ADIG: variants seen among roughly 807,000 people sequenced by gnomAD.
The protein encoded by ADIG is adipogenin.
ADIG carries 12 observed loss-of-function variants against 10.7 expected under a neutral mutation model. The ratio of observed to expected loss-of-function variants is 1.12; its 90% CI spans 0.72 to 1.82. ADIG has a LOEUF of 1.82. Ranked by LOEUF, ADIG falls within the 40% of genes most tolerant of loss-of-function variation. The pLI, the probability that ADIG is intolerant of heterozygous loss-of-function variation, is 0.00. For missense variants in ADIG, 72 were observed against 92.5 expected (o/e 0.78, Z 0.91); for synonymous variants, 32 against 35.6 (o/e 0.90, Z 0.36).
intron 1 of ADIG, among the ~76,000 whole-genome samples, 164 bp downstream of exon 1, chr20:38,581,538 G>T (rs2088591722): frequency 6.6e-6 from 1 of 152,092 alleles, no homozygotes; most frequent in Non-Finnish European, 1.5e-5. Flanking sequence ...GGATTGGTTT[G>T]GTTGTTTAGG....
chr20:38,585,041 C>A (rs1214403762), intron 1 of ADIG, among the ~76,000 whole-genome samples: 1 of 152,238 alleles, frequency 6.6e-6, no homozygotes, highest in African/African-American at 2.4e-5. Flanking sequence ...TCCCAAAGTG[C>A]TGGGATTACA....
intron 1 of ADIG, among the ~76,000 whole-genome samples, chr20:38,582,053 G>A (rs1429498734): frequency 6.6e-6 from 1 of 152,140 alleles, no homozygotes; most frequent in East Asian, 1.9e-4. Context: ...TGGCCTGGCT[G>A]TGTGGCAGGA....
intron 1 of ADIG, chr20:38,585,373 A>G: frequency 2.6e-6 from 4 of 1,538,048 alleles, no homozygotes; most frequent in Non-Finnish European, 3.5e-6. Context: ...ATGGTGCAGC[A>G]TTTGCTTTTC....
chr20:38,581,447 C>T (rs755582569), intron 1 of ADIG, 73 bp downstream of exon 1: 5 of 1,590,972 alleles, frequency 3.1e-6, no homozygotes, highest in Non-Finnish European at 4.3e-6. Context: ...GCCAGTGTGT[C>T]CTGAAACAAC....
chr20:38,581,812 G>T (rs1306979335), intron 1 of ADIG, among the ~76,000 whole-genome samples: 2 of 152,230 alleles, frequency 1.3e-5, no homozygotes, highest in Non-Finnish European at 2.9e-5. Flanking sequence ...CTGCTTTTGT[G>T]CAGTAAACAG....
chr20:38,581,219 C>A lies in ADIG; in HGVS notation c.-32C>A. The A allele has an allele frequency of 6.3e-7, 1 of 1,584,816 alleles. No homozygotes were observed. The highest frequency in any genetic ancestry group is 8.6e-7 in the Non-Finnish European group (1 of 1,164,628). The stretch of plus-strand genomic sequence containing the variant: ...CATGGGGCAGCCCTGCCAGCCCAGC[C>A]CAGGCTGGCCCAGCTTAGCCACACA... On this transcript the variant is annotated 5_prime_UTR_variant, in exon 1 of 3. Transcript: ENST00000537425.
chr20:38,581,523 G>T (rs1651744917), intron 1 of ADIG, 149 bp downstream of exon 1: 3 of 1,233,634 alleles, frequency 2.4e-6, no homozygotes, highest in Admixed American at 2.3e-5. Context: ...ACTCTTAAGT[G>T]GAAAGGATTG....
intron 1 of ADIG, among the ~76,000 whole-genome samples, chr20:38,581,693 G>GATA (rs1256050748): frequency 2.0e-5 from 3 of 152,152 alleles, no homozygotes; most frequent in African/African-American, 7.2e-5. Flanking sequence ...ACAAATCAGA[G>GATA]GTTATCGCTC....
chr20:38,582,733 A>G lies in ADIG; in HGVS notation c.124+1359A>G, dbSNP rs138785663. On this transcript the variant is annotated intron_variant, in intron 1 of 2. Transcript: ENST00000537425. ...TTAGGCATTGGGCCCCACAGCTGGT[A>G]GGGAGTCAGCCTTGTTTGCATACTG... 2.6e-3 allele frequency among the ~76,000 whole-genome samples: 403 copies of G among 152,310 alleles called. 1 individual carries two copies. The highest frequency in any genetic ancestry group is 9.2e-3 in the African/African-American group (384 of 41,568).
At position 38,586,158 on chromosome 20, in the gene ADIG, C is replaced by T; in HGVS notation, c.*11C>T. 1.3e-6 allele frequency: 2 copies of T among 1,574,860 alleles called. No homozygotes were observed. Among genetic ancestry groups the T allele is most frequent in the Non-Finnish European group, 1.7e-6 (2 of 1,160,076 alleles). ...AGGCCCTGCTGGTGAGCCTGCTGTG[C>T]CAGGTGAGGCCCTTCCAGGGGCCAG... On this transcript the variant is annotated 3_prime_UTR_variant, in exon 2 of 3. Transcript: ENST00000537425.
intron 1 of ADIG, among the ~76,000 whole-genome samples, chr20:38,584,734 A>AAAAAT (rs2088619844): frequency 6.6e-6 from 1 of 152,262 alleles, no homozygotes; most frequent in South Asian, 2.1e-4. Context: ...TCTATGTTCA[A>AAAAAT]AAAATACTCT....
chr20:38,588,311 T>C lies in ADIG; in HGVS notation c.*225T>C. ...CCAGCCCTGCAGGGAGCCGCTCAAG[T>C]CTGGGAGGGCATGGGAGCAGTGAGC... On this transcript the variant is annotated 3_prime_UTR_variant, in exon 3 of 3. Coordinates refer to ENST00000537425, the MANE Select transcript of ADIG (RefSeq NM_001393816.1). 1 of 1,304,046 alleles carries C rather than the reference T, an allele frequency of 7.7e-7. No homozygotes were observed. Among genetic ancestry groups the C allele is most frequent in the Non-Finnish European group, 1.0e-6 (1 of 988,854 alleles). The allele number at this position is 1,304,046 out of a possible 1,614,324, so 80.8% of individuals were successfully genotyped here.
At chr20:38,587,358 C>A (rs977618068) in intron 2 of ADIG, among the ~76,000 whole-genome samples, 2 of 152,094 alleles carry the variant, frequency 1.3e-5, no homozygotes, top group African/African-American at 4.8e-5. Context: ...CCTCACTTAA[C>A]CTAAGTTGTA....
chr20:38,583,882 G>A (rs938844554), intron 1 of ADIG, among the ~76,000 whole-genome samples: 8 of 152,160 alleles, frequency 5.3e-5, no homozygotes, highest in South Asian at 2.1e-4. Context: ...CAGGTTCTCC[G>A]TCTTCTAAAA....
At position 38,584,536 on chromosome 20, in the gene ADIG, C is replaced by T. The variant is rs548305676; in HGVS notation, c.125-1493C>T. Among the ~76,000 whole-genome samples the T allele has an allele frequency of 2.0e-5, 3 of 152,328 alleles. No individual in the cohort carries two copies. The South Asian group carries it at 6.2e-4, about 32-fold the overall frequency. ...TGCCTTTAAATCCTCTGAGTCCAAA[C>T]ACACCCAATGGAACCGTGGAGTGGG... On this transcript the variant is annotated intron_variant, in intron 1 of 2. Coordinates refer to ENST00000537425, the MANE Select transcript of ADIG (RefSeq NM_001393816.1).
intron 1 of ADIG, among the ~76,000 whole-genome samples, chr20:38,582,722 C>T (rs1339067209): frequency 6.6e-6 from 1 of 152,196 alleles, no homozygotes; most frequent in Non-Finnish European, 1.5e-5. Context: ...GCATTGGGCC[C>T]CACAGCTGGT....
Position 38,588,286 on chromosome 20 carries a change from C to G in ADIG, c.*200C>G, listed in dbSNP as rs1601122133. On this transcript the variant is annotated 3_prime_UTR_variant, in exon 3 of 3. Coordinates refer to ENST00000537425, the MANE Select transcript of ADIG (RefSeq NM_001393816.1). ...CCTTCTCCAGCATCACAGATGACCT[C>G]CAGCCCTGCAGGGAGCCGCTCAAGT... is the stretch of plus-strand genomic sequence containing the variant. The G allele has an allele frequency of 6.1e-6, 8 of 1,304,136 alleles. No homozygotes were observed. Among genetic ancestry groups the G allele is most frequent in the Non-Finnish European group, 8.1e-6 (8 of 988,934 alleles). The allele number at this position is 1,304,136 out of a possible 1,614,324, so 80.8% of individuals were successfully genotyped here.
Position 38,588,304 on chromosome 20 carries a change from G to C in ADIG, c.*218G>C. 4 of 1,304,096 alleles carry C rather than the reference G, an allele frequency of 3.1e-6. No individual in the cohort carries two copies. The highest frequency in any genetic ancestry group is 4.0e-6 in the Non-Finnish European group (4 of 988,838). The allele number at this position is 1,304,096 out of a possible 1,614,324, so 80.8% of individuals were successfully genotyped here. A position where few individuals can be genotyped will look rare whatever the true frequency, so the allele number is the denominator to read the frequency against. ...ATGACCTCCAGCCCTGCAGGGAGCC[G>C]CTCAAGTCTGGGAGGGCATGGGAGC... On this transcript the variant is annotated 3_prime_UTR_variant, in exon 3 of 3. Transcript: ENST00000537425.
Position 38,586,155 on chromosome 20 carries a change from G to C in ADIG, c.*8G>C, listed in dbSNP as rs758606443. The C allele has an allele frequency of 6.3e-7, 1 of 1,579,898 alleles. No individual in the cohort carries two copies. ...GAGAGGCCCTGCTGGTGAGCCTGCTGTGCCAGGTGAGGCCCTTCCAGGGGC... is the reference window on the plus strand; with the variant it reads ...GAGAGGCCCTGCTGGTGAGCCTGCTCTGCCAGGTGAGGCCCTTCCAGGGGC... On this transcript the variant is annotated 3_prime_UTR_variant, in exon 2 of 3. Coordinates refer to ENST00000537425, the MANE Select transcript of ADIG (RefSeq NM_001393816.1).
Sources: allele counts gnomAD v4.1 joint callset (sites outside exome capture counted in the v4.1 genomes callset), GRCh38; gene constraint gnomAD v4.1.1; transcripts MANE v1.5; gene names NCBI Gene and HGNC (gene_info 2026-07-23, HGNC 2026-07-21).